Variants in UPP2 observed in about 807,000 individuals in gnomAD.
UPP2 encodes the protein uridine phosphorylase 2.
UPP2 carries 23 observed loss-of-function variants against 26.7 expected under a neutral mutation model. The ratio of observed to expected loss-of-function variants is 0.86; its 90% confidence interval spans 0.62 to 1.22. UPP2 has a LOEUF of 1.22. UPP2 is among the 50% of genes most tolerant of loss of function. The pLI, the probability that UPP2 is intolerant of heterozygous loss-of-function variation, is 0.00. For synonymous variants in UPP2, 127 were observed against 141.3 expected (o/e 0.90, Z 0.72); for missense variants, 387 against 396.7 (o/e 0.98, Z 0.21).
At chr2:158,071,724 G>C (rs1006652895) in intron 3 of UPP2, among the ~76,000 whole-genome samples, 5 of 152,014 alleles carry the variant, frequency 3.3e-5, no homozygotes, top group Non-Finnish European at 7.4e-5. Context: ...ATACACCCTG[G>C]ACTAGAAGGG....
chr2:158,108,504 A>C (rs1255151090), intron 2 of UPP2, among the ~76,000 whole-genome samples: 1 of 152,164 alleles, frequency 6.6e-6, no homozygotes, highest in Non-Finnish European at 1.5e-5. Context: ...TAGTACTCCA[A>C]GTATTAGTTT....
chr2:158,004,393 G>GA lies in UPP2; in HGVS notation c.61+9145dup, dbSNP rs5835684. 1.0e-3 allele frequency among the ~76,000 whole-genome samples: 151 copies of GA among 144,932 alleles called. 1 individual carries two copies. Among genetic ancestry groups the GA allele is most frequent in the African/African-American group, 3.3e-3 (132 of 39,736 alleles). On this transcript the variant is annotated intron_variant, in intron 2 of 9. Transcript: ENST00000605860. ...TAGCAGTACGTAGTGGAGAGAATAA[G>GA]AAAAAAAAAAATCCAACACCTAATC...
intron 2 of UPP2, among the ~76,000 whole-genome samples, chr2:158,107,857 C>T (rs1683228312): frequency 6.6e-6 from 1 of 151,820 alleles, no homozygotes; most frequent in Non-Finnish European, 1.5e-5. Flanking sequence ...GTGTGGCCTG[C>T]CTCTATTTTG....
At chr2:158,107,031 C>T (rs1174344050) in intron 2 of UPP2, among the ~76,000 whole-genome samples, 2 of 152,086 alleles carry the variant, frequency 1.3e-5, no homozygotes, top group African/African-American at 4.8e-5. Flanking sequence ...AAGTGGTGTA[C>T]CACACATTAC....
intron 3 of UPP2, chr2:158,065,734 C>T: frequency 6.0e-6 from 4 of 670,204 alleles, no homozygotes; most frequent in South Asian, 4.7e-5. Context: ...AAAGAAGGTA[C>T]CCATGTTCTC....
intron 3 of UPP2, among the ~76,000 whole-genome samples, chr2:158,020,272 G>A (rs1683729005): frequency 6.6e-6 from 1 of 152,162 alleles, no homozygotes; most frequent in African/African-American, 2.4e-5. Flanking sequence ...CCTGTTCTTC[G>A]ACTGTCCATG....
chr2:158,023,844 C>T (rs992188214), intron 3 of UPP2, among the ~76,000 whole-genome samples: 1 of 152,178 alleles, frequency 6.6e-6, no homozygotes, highest in African/African-American at 2.4e-5. Flanking sequence ...CTCCTATGTT[C>T]AAGCAGCAAA....
chr2:158,037,401 T>A (rs1684020548), intron 3 of UPP2, among the ~76,000 whole-genome samples: 1 of 151,794 alleles, frequency 6.6e-6, no homozygotes, highest in Non-Finnish European at 1.5e-5. Flanking sequence ...AAAAAATCCT[T>A]TTGGGGGGAT....
chr2:158,023,135 G>T (rs1328911421), intron 3 of UPP2, among the ~76,000 whole-genome samples: 2 of 151,042 alleles, frequency 1.3e-5, no homozygotes, highest in Admixed American at 1.3e-4. Context: ...GGTGGGTGTG[G>T]GAAGGGCGTG....
At position 158,115,262 on chromosome 2, in the gene UPP2, A is replaced by G; in HGVS notation, c.339+3A>G. 4.4e-6 allele frequency: 7 copies of G among 1,601,790 alleles called. No individual in the cohort carries two copies. The highest frequency in any genetic ancestry group is 6.0e-6 in the Non-Finnish European group (7 of 1,174,444). ...CCGGGCCTGTGCTCGCCATCAGTGT[A>G]AGTATCCATGGTTGCATTTCAGCTA... On this transcript the variant is annotated splice_donor_region_variant and intron_variant, in intron 3 of 6. Transcript: ENST00000005756.
intron 3 of UPP2, among the ~76,000 whole-genome samples, chr2:158,068,628 G>T (rs73005421): frequency 6.6e-6 from 1 of 151,022 alleles, no homozygotes; most frequent in Non-Finnish European, 1.5e-5. Flanking sequence ...AAATGGTTAA[G>T]GACCACACGC....
At chr2:158,009,273 G>T (rs1357415076) in intron 2 of UPP2, among the ~76,000 whole-genome samples, 2 of 151,986 alleles carry the variant, frequency 1.3e-5, no homozygotes, top group Non-Finnish European at 2.9e-5. Context: ...CAGTTTTTCT[G>T]CTTTGTCCTT....
chr2:158,087,547 C>A (rs574142811), intron 3 of UPP2, among the ~76,000 whole-genome samples: 2 of 151,930 alleles, frequency 1.3e-5, no homozygotes, highest in Admixed American at 6.6e-5. Context: ...GCCTGAATAC[C>A]TTTTTTTGTT....
At chr2:158,002,052 C>T (rs192210529) in intron 2 of UPP2, among the ~76,000 whole-genome samples, 258 of 149,366 alleles carry the variant, frequency 1.7e-3, no homozygotes, top group Non-Finnish European at 2.9e-3. Flanking sequence ...GGGGCGGGGG[C>T]TTCACAGATT....
At chr2:158,115,340 T>A in intron 3 of UPP2, 81 bp downstream of exon 3, 3 of 1,466,750 alleles carry the variant, frequency 2.0e-6, no homozygotes, top group Non-Finnish European at 2.7e-6. Flanking sequence ...GGAGTTCTTT[T>A]TCCCTCCAGC....
rs189175728 is a variant in UPP2, at chr2:158,093,063, G to A, written c.148-8977G>A. On this transcript the variant is annotated intron_variant, in intron 3 of 9. Transcript: ENST00000605860. ...AGCCTCCCCAGAAGTAGGGACTACAGGTGCACGCCATCATGACTGGCTAAT... is the reference window on the plus strand; with the variant it reads ...AGCCTCCCCAGAAGTAGGGACTACAAGTGCACGCCATCATGACTGGCTAAT... Among the ~76,000 whole-genome samples, 442 of 152,190 alleles carry A rather than the reference G, an allele frequency of 2.9e-3. 4 individuals are homozygous for A. The highest frequency in any genetic ancestry group is 0.01 in the African/African-American group (425 of 41,530).
intron 2 of UPP2, among the ~76,000 whole-genome samples, chr2:158,110,659 C>T (rs1683300267): frequency 6.6e-6 from 1 of 152,186 alleles, no homozygotes; most frequent in Non-Finnish European, 1.5e-5. Context: ...TATTTCTCCA[C>T]ATCCTCTCCA....
chr2:158,009,541 A>G (rs1432103675), intron 2 of UPP2, among the ~76,000 whole-genome samples: 1 of 152,202 alleles, frequency 6.6e-6, no homozygotes, highest in East Asian at 1.9e-4. Flanking sequence ...GGCTTTTAAG[A>G]ACATAATCTT....
chr2:157,995,588 TA>T (rs1180672335), intron 2 of UPP2, among the ~76,000 whole-genome samples: 1 of 152,066 alleles, frequency 6.6e-6, no homozygotes, highest in East Asian at 1.9e-4. Flanking sequence ...CTCTTTAAGG[TA>T]GTTGACCACT....
Sources: allele counts gnomAD v4.1 joint callset (sites outside exome capture counted in the v4.1 genomes callset), GRCh38; gene constraint gnomAD v4.1.1; transcripts MANE v1.5; gene names NCBI Gene and HGNC (gene_info 2026-07-23, HGNC 2026-07-21).